Variants in CDH11 observed in about 807,000 individuals in gnomAD.
The protein encoded by CDH11 is cadherin-11.
CDH11 carries 11 observed loss-of-function variants against 67.8 expected under a neutral mutation model. The observed-to-expected ratio is 0.16, with a 90% CI of 0.10 to 0.27. CDH11 has a LOEUF of 0.27. Among genes scored for constraint, CDH11 ranks in the 10% least tolerant of loss-of-function variants. The probability of loss-of-function intolerance (pLI) is 1.00; values close to 1 mark genes in which losing one functional copy is unlikely to be tolerated. For missense variants in CDH11, 847 were observed against 1,031.2 expected, an observed-to-expected ratio of 0.82 and a Z score of 2.45; for synonymous variants, 419 against 400.0, an observed-to-expected ratio of 1.05 and a Z score of -0.57.
At position 64,998,867 on chromosome 16, in the gene CDH11, G is replaced by C. The variant is rs751650101; in HGVS notation, c.229-11C>G. ...AATATCTGAATGAAGCTGGAAGAAA[G>C]AGAAATTGAGATTTTTAATTCCATG... is the stretch of plus-strand genomic sequence containing the variant. On this transcript the variant is annotated splice_polypyrimidine_tract_variant and intron_variant, in intron 3 of 12. Coordinates refer to ENST00000268603, the MANE Select transcript of CDH11 (RefSeq NM_001797.4). 3.7e-6 allele frequency: 6 copies of C among 1,609,724 alleles called. No homozygotes were observed. In the African/African-American group the frequency reaches 6.7e-5, roughly 18 times the overall value.
chr16:64,964,337 G>T (rs1484197206), intron 11 of CDH11, among the ~76,000 whole-genome samples: 1 of 152,056 alleles, frequency 6.6e-6, no homozygotes, highest in African/African-American at 2.4e-5. Flanking sequence ...GAATACTGTA[G>T]GCAATTATAA....
At chr16:65,098,587 A>C (rs1003687905) in intron 1 of CDH11, among the ~76,000 whole-genome samples, 1 of 151,682 alleles carries the variant, frequency 6.6e-6, no homozygotes, top group African/African-American at 2.4e-5. Flanking sequence ...GCTGATCTCA[A>C]ACTCCTGGGC....
intron 1 of CDH11, among the ~76,000 whole-genome samples, chr16:65,085,590 G>A (rs1054126197): frequency 6.6e-6 from 1 of 152,166 alleles, no homozygotes; most frequent in Admixed American, 6.5e-5. Flanking sequence ...AGATTGATTG[G>A]TCTGAATTCT....
intron 2 of CDH11, among the ~76,000 whole-genome samples, chr16:65,049,887 G>A (rs2074026292): frequency 6.6e-6 from 1 of 152,146 alleles, no homozygotes; most frequent in African/African-American, 2.4e-5. Flanking sequence ...TTCACAGACA[G>A]ACCCAGCAGC....
At position 64,992,683 on chromosome 16, in the gene CDH11, T is replaced by C. The variant is rs182397945; in HGVS notation, c.643+232A>G. ...ATATTAAAGTTGAGTTTTTAGATTA[T>C]AGTTGTTATTGGGTCATCGTGAAAT... On this transcript the variant is annotated intron_variant, in intron 5 of 12. Transcript: ENST00000268603. Among the ~76,000 whole-genome samples, 10 of 152,384 alleles carry C rather than the reference T, an allele frequency of 6.6e-5. No individual in the cohort carries two copies. The East Asian group carries it at 1.3e-3, about 21-fold the overall frequency.
chr16:65,023,197 C>A (rs2073461881), intron 2 of CDH11, among the ~76,000 whole-genome samples: 1 of 152,152 alleles, frequency 6.6e-6, no homozygotes, highest in South Asian at 2.1e-4. Context: ...GGCTACCAAG[C>A]CAAAGGCCTC....
intron 1 of CDH11, among the ~76,000 whole-genome samples, chr16:65,085,767 A>G (rs2074687220): frequency 6.6e-6 from 1 of 152,368 alleles, no homozygotes; most frequent in African/African-American, 2.4e-5. Flanking sequence ...CGTGCCTTAT[A>G]ACATTCTTTG....
chr16:65,074,300 G>T (rs2142777032), intron 1 of CDH11, among the ~76,000 whole-genome samples: 1 of 152,222 alleles, frequency 6.6e-6, no homozygotes, highest in Non-Finnish European at 1.5e-5. Context: ...CAAATTAACT[G>T]TCTGTCACTG....
intron 8 of CDH11, among the ~76,000 whole-genome samples, chr16:64,976,851 AAACCAACC>A (rs143816723): frequency 0.27 from 40,002 of 146,886 alleles, 6,218 homozygotes; most frequent in Non-Finnish European, 0.36. Context: ...CGGTCTCCAA[AAACCAACC>A]AACCAACCAA....
intron 1 of CDH11, among the ~76,000 whole-genome samples, chr16:65,069,094 G>T (rs1418934046): frequency 6.6e-6 from 1 of 152,094 alleles, no homozygotes; most frequent in Non-Finnish European, 1.5e-5. Flanking sequence ...TTGCCAACAA[G>T]AAACACTCTT....
chr16:65,089,693 T>C (rs1306516814), intron 1 of CDH11, among the ~76,000 whole-genome samples: 2 of 152,176 alleles, frequency 1.3e-5, no homozygotes, highest in Non-Finnish European at 1.5e-5. Context: ...ATTGTAACCA[T>C]AGTTTCTTTT....
At chr16:65,122,933 C>T (rs2075359850), upstream of CDH11, among the ~76,000 whole-genome samples, 1 of 152,220 alleles carries the variant, frequency 6.6e-6, no homozygotes, top group African/African-American at 2.4e-5. Flanking sequence ...GCTACAGACC[C>T]GCCAGGGCCC....
chr16:65,076,539 T>C (rs1258181839), intron 1 of CDH11, among the ~76,000 whole-genome samples: 2 of 152,078 alleles, frequency 1.3e-5, no homozygotes, highest in African/African-American at 2.4e-5. Context: ...CATGGTATTT[T>C]TTTCAATACT....
In CDH11 at chr16:64,948,187, A is replaced by G. The variant is rs1596999911; in HGVS notation, c.1895-88T>C. ...AGAGGAACTCTGATTACCATAAACC[A>G]TGAGGTATAAATGCTCAGAACAGGA... On this transcript the variant is annotated intron_variant, in intron 12 of 12. Transcript: ENST00000268603. 4.5e-5 allele frequency: 68 copies of G among 1,497,910 alleles called. 4 individuals carry two copies. In the South Asian group the frequency reaches 7.5e-4, roughly 16 times the overall value. The allele number at this position is 1,497,910 out of a possible 1,614,324, so 92.8% of individuals were successfully genotyped here.
intron 2 of CDH11, among the ~76,000 whole-genome samples, chr16:65,009,547 A>C (rs1203813183): frequency 6.6e-6 from 1 of 152,150 alleles, no homozygotes; most frequent in Admixed American, 6.5e-5. Flanking sequence ...GTAGGGACTT[A>C]GTAGGAATCT....
intron 2 of CDH11, among the ~76,000 whole-genome samples, chr16:65,021,886 A>G (rs887928028): frequency 3.3e-5 from 5 of 151,052 alleles, no homozygotes; most frequent in African/African-American, 1.2e-4. Flanking sequence ...GAAAAAAAAA[A>G]AAAAAAAGAA....
At chr16:64,976,379 G>A (rs993290222) in intron 8 of CDH11, among the ~76,000 whole-genome samples, 1 of 152,124 alleles carries the variant, frequency 6.6e-6, no homozygotes, top group African/African-American at 2.4e-5. Context: ...GAACAAAAAT[G>A]TGTCTAATGC....
rs567708177 is a variant in CDH11, at chr16:65,088,548, C to T, written c.-298+33332G>A. Reference sequence around the variant, plus strand: ...TTAAAAATATATTCATTATTAAAAACATCTTAAACTTTTCAGTTGTATGAA... The same window carrying T: ...TTAAAAATATATTCATTATTAAAAATATCTTAAACTTTTCAGTTGTATGAA... On this transcript the variant is annotated intron_variant, in intron 1 of 12. Coordinates refer to ENST00000268603, the MANE Select transcript of CDH11 (RefSeq NM_001797.4). 3.9e-5 allele frequency among the ~76,000 whole-genome samples: 6 copies of T among 152,296 alleles called. No homozygotes were observed. In the South Asian group the frequency reaches 1.2e-3, roughly 32 times the overall value.
At chr16:64,991,543 G>A (rs541325581) in intron 6 of CDH11, 5 of 487,922 alleles carry the variant, frequency 1.0e-5, no homozygotes, top group Admixed American at 3.2e-5. Flanking sequence ...TTCCAGGGTT[G>A]TAGAACTTTT....
Sources: gnomAD v4.1 joint callset for allele counts (sites outside exome capture counted in the v4.1 genomes callset) on GRCh38, gnomAD v4.1.1 for gene constraint, MANE v1.5 for transcripts, NCBI Gene and HGNC (gene_info 2026-07-23, HGNC 2026-07-21) for gene names.